PANK4: variants seen among roughly 807,000 people sequenced by gnomAD.
The protein encoded by PANK4 is 4'-phosphopantetheine phosphatase.
A neutral mutation model predicts 87.9 loss-of-function variants in PANK4; 40 were observed. That is an observed-to-expected ratio of 0.46 (90% confidence interval 0.35 to 0.59). The LOEUF (loss-of-function observed/expected upper bound fraction) is 0.59, where lower values mean the gene tolerates loss of function less well. Among genes scored for constraint, PANK4 ranks in the 20% least tolerant of loss-of-function variants. The probability of loss-of-function intolerance (pLI) is 0.00; values close to 1 mark genes in which losing one functional copy is unlikely to be tolerated. For synonymous variants in PANK4, 524 were observed against 467.4 expected, an observed-to-expected ratio of 1.12 and a Z score of -1.56; for missense variants, 926 against 1,072.3, an observed-to-expected ratio of 0.86 and a Z score of 1.90.
chr1:2,517,608 C>T (rs2100783518), intron 9 of PANK4, among the ~76,000 whole-genome samples: 1 of 152,366 alleles, frequency 6.6e-6, no homozygotes, highest in East Asian at 1.9e-4. Flanking sequence ...CCTTCCGGAG[C>T]AGCTCCAACT....
chr1:2,511,173 C>T (rs1232075469), intron 15 of PANK4, among the ~76,000 whole-genome samples, 165 bp downstream of exon 15: 1 of 152,168 alleles, frequency 6.6e-6, no homozygotes, highest in Non-Finnish European at 1.5e-5. Flanking sequence ...GACAGGAGGG[C>T]AAGTGTGGGG....
chr1:2,518,425 A>G, intron 8 of PANK4, 91 bp downstream of exon 8: 1 of 1,159,582 alleles, frequency 8.6e-7, no homozygotes, highest in Non-Finnish European at 1.3e-6. Flanking sequence ...TCCCCACCCC[A>G]CCTCCACCCT....
chr1:2,519,028 T>C lies in PANK4; in HGVS notation c.1035+115A>G. On this transcript the variant is annotated intron_variant, in intron 7 of 18. Coordinates refer to ENST00000378466, the MANE Select transcript of PANK4 (RefSeq NM_018216.4). This position sits in a 1 kb window ranked among gnomAD's most constrained non-coding sequence, Gnocchi z 8.3. ...CAGAAGGGAGGGGTGCTGGGCTTCT[T>C]GGCCCCCACCCTCCAGGCCTCCCTG... 2.1e-5 allele frequency: 21 copies of C among 983,438 alleles called. No homozygotes were observed. Among genetic ancestry groups the C allele is most frequent in the Non-Finnish European group, 3.1e-5 (20 of 654,114 alleles). 60.9% of individuals were successfully genotyped at this position (983,438 alleles called of 1,614,324 possible).
In PANK4 at chr1:2,510,966, C is replaced by G. The variant is rs530691447; in HGVS notation, c.1834-184G>C. On this transcript the variant is annotated intron_variant, in intron 15 of 18. Transcript: ENST00000378466. This position sits in a 1 kb window ranked among gnomAD's most constrained non-coding sequence, Gnocchi z 4.9. ...AGGGGCTTCAGGGCCCCAGAGGTGCCGGGACTGGGCTGGGCTGCAGGGGCT... is the reference window on the plus strand; with the variant it reads ...AGGGGCTTCAGGGCCCCAGAGGTGCGGGGACTGGGCTGGGCTGCAGGGGCT... Among the ~76,000 whole-genome samples the G allele has an allele frequency of 6.6e-6, 1 of 152,148 alleles. No individual in the cohort carries two copies. Among genetic ancestry groups the G allele is most frequent in the East Asian group, 1.9e-4 (1 of 5,162 alleles).
Position 2,510,124 on chromosome 1 carries a change from T to A in PANK4, c.1972A>T (p.Asn658Tyr). 6.2e-7 allele frequency: 1 copy of A among 1,609,832 alleles called. No homozygotes were observed. The highest frequency in any genetic ancestry group is 1.1e-5 in the South Asian group (1 of 90,294). Residue 658 changes from asparagine (N) to tyrosine (Y), a missense_variant, in exon 17 of 19, where the codon AAC becomes TAC. Transcript: ENST00000378466. The surrounding 1 kb of genome is among the most constrained non-coding windows in gnomAD (Gnocchi z 4.9). ...ILACNSGPALNDVTHSESLIV... is the reference protein window; with the variant it reads ...ILACNSGPALYDVTHSESLIV... ...AGGGACTCGCTGTGGGTCACGTCGT[T>A]CAGGGCGGGGCCTGAGTTGCACGCC...
rs1197667934 is a variant in PANK4, at chr1:2,521,108, G to A, written c.415C>T (p.Arg139Trp). ...CTTGAGATCCCCACTCACTTCAGCC[G>A]CAGCTTCTCTTCGATGAGGTCTTTG... is the stretch of plus-strand genomic sequence containing the variant. The part of the protein sequence containing the change: ...KFKDLIEEKL[R>W]LKVDKEDVMT... Residue 139 changes from arginine (R) to tryptophan (W), a missense_variant, in exon 3 of 19, where the codon CGG (arginine) becomes TGG (tryptophan). By Grantham distance (101) the Arg-to-Trp change is moderately radical. Coordinates refer to ENST00000378466, the MANE Select transcript of PANK4 (RefSeq NM_018216.4). The A allele has an allele frequency of 4.3e-6, 7 of 1,611,816 alleles. No homozygotes were observed. The highest frequency in any genetic ancestry group is 2.2e-5 in the East Asian group (1 of 44,886).
intron 9 of PANK4, among the ~76,000 whole-genome samples, chr1:2,516,380 C>T (rs1643776847): frequency 6.6e-6 from 1 of 152,238 alleles, no homozygotes; most frequent in South Asian, 2.1e-4. Context: ...CACAGGCGCG[C>T]TCACGGGCCC....
Position 2,508,614 on chromosome 1 carries a change from A to G in PANK4, c.*233T>C, listed in dbSNP as rs932189226. The G allele has an allele frequency of 4.7e-6, 1 of 212,458 alleles. No homozygotes were observed. The highest frequency in any genetic ancestry group is 9.0e-6 in the Non-Finnish European group (1 of 111,020). 13.2% of individuals were successfully genotyped at this position (212,458 alleles called of 1,614,324 possible). On this transcript the variant is annotated 3_prime_UTR_variant, in exon 19 of 19. Coordinates refer to ENST00000378466, the MANE Select transcript of PANK4 (RefSeq NM_018216.4). This position sits in a 1 kb window ranked among gnomAD's most constrained non-coding sequence, Gnocchi z 5.1. ...CATACCTGTATAGATCTCTCTATTT[A>G]TATATATATATATATAAAAGGTTCT...
At position 2,510,222 on chromosome 1, in the gene PANK4, C is replaced by T. The variant is rs1570530589; in HGVS notation, c.1939-65G>A. The T allele has an allele frequency of 1.8e-6, 2 of 1,087,272 alleles. No homozygotes were observed. Among genetic ancestry groups the T allele is most frequent in the Non-Finnish European group, 2.8e-6 (2 of 725,796 alleles). The allele number at this position is 1,087,272 out of a possible 1,614,324, so 67.4% of individuals were successfully genotyped here. A position where few individuals can be genotyped will look rare whatever the true frequency, so the allele number is the denominator to read the frequency against. ...GGCCCAGCATGGAGCCTGCGTGCAC[C>T]CCGGCCTTCGAGTGGCTGGGCTGGG... On this transcript the variant is annotated intron_variant, in intron 16 of 18. Coordinates refer to ENST00000378466, the MANE Select transcript of PANK4 (RefSeq NM_018216.4). This position sits in a 1 kb window ranked among gnomAD's most constrained non-coding sequence, Gnocchi z 4.9.
intron 1 of PANK4, among the ~76,000 whole-genome samples, chr1:2,524,626 C>T (rs2100800833): frequency 6.6e-6 from 1 of 152,300 alleles, no homozygotes; most frequent in Non-Finnish European, 1.5e-5. Context: ...CTGCGACAGC[C>T]CTTCCTGGAC....
In PANK4 at chr1:2,519,867, G is replaced by T; in HGVS notation, c.787C>A (p.Gln263Lys). 1 of 1,569,576 alleles carries T rather than the reference G, an allele frequency of 6.4e-7. No individual in the cohort carries two copies. The change falls in exon 6 of 19, where the codon CAG becomes AAG. Residue 263 changes from glutamine (Q) to lysine (K), a missense_variant. By Grantham distance (53) the Gln-to-Lys change is moderately conservative. Transcript: ENST00000378466. This position sits in a 1 kb window ranked among gnomAD's most constrained non-coding sequence, Gnocchi z 8.3. ...LVRDVYGGAH[Q>K]TLGLSGNLIA... is the part of the protein sequence containing the mutation. ...AGGTTCCCGCTCAGCCCGAGAGTCT[G>T]GTGGGCGCCGCCGTAGACGTCCCGC... is the stretch of plus-strand genomic sequence containing the variant.
chr1:2,521,574 C>A, intron 2 of PANK4, 144 bp downstream of exon 2: 2 of 786,034 alleles, frequency 2.5e-6, no homozygotes, highest in South Asian at 2.8e-5. Flanking sequence ...CGGCGGAAGG[C>A]AGGGGAGGCT....
At position 2,510,926 on chromosome 1, in the gene PANK4, GCAGGGGCCGAGAC is replaced by G; in HGVS notation, c.1834-157_1834-145del. The stretch of plus-strand genomic sequence containing the variant: ...AGAGATGCCAGGGATGGGCTGTCCT[GCAGGGGCCGAGAC>G]CAGGGGCTTCAGGGCCCCAGAGGTG... On this transcript the variant is annotated intron_variant, in intron 15 of 18. Transcript: ENST00000378466. The surrounding 1 kb of genome is among the most constrained non-coding windows in gnomAD (Gnocchi z 4.9). 1 of 625,658 alleles carries G rather than the reference GCAGGGGCCGAGAC, an allele frequency of 1.6e-6. No individual in the cohort carries two copies. The allele number at this position is 625,658 out of a possible 1,614,324, so 38.8% of individuals were successfully genotyped here.
intron 7 of PANK4, among the ~76,000 whole-genome samples, 182 bp from the exon 8 acceptor site, chr1:2,518,779 G>A (rs2100786403): frequency 6.6e-6 from 1 of 152,366 alleles, no homozygotes; most frequent in Non-Finnish European, 1.5e-5. Context: ...GCTGCTGTTT[G>A]AAGAAAGCTA....
rs758363061 is a variant in PANK4, at chr1:2,521,063, A to C, written c.422+38T>G. Reference sequence around the variant, plus strand: ...GGGACACCCAGGGACTCGGGGGCAGACACATGTTCCTTTCTCGCCCTTGAG... The same window carrying C: ...GGGACACCCAGGGACTCGGGGGCAGCCACATGTTCCTTTCTCGCCCTTGAG... On this transcript the variant is annotated intron_variant, in intron 3 of 18. Transcript: ENST00000378466. 1.9e-6 allele frequency: 3 copies of C among 1,573,666 alleles called. No homozygotes were observed. The African/African-American group carries it at 4.1e-5, about 21-fold the overall frequency.
At chr1:2,524,361 G>A (rs544781485) in intron 1 of PANK4, among the ~76,000 whole-genome samples, 1 of 151,882 alleles carries the variant, frequency 6.6e-6, no homozygotes, top group South Asian at 2.1e-4. Context: ...TGGCTTTGAG[G>A]GTTCCTGGGT....
At position 2,520,535 on chromosome 1, in the gene PANK4, G is replaced by T. The variant is rs959589206; in HGVS notation, c.607-121C>A. On this transcript the variant is annotated intron_variant, in intron 4 of 18. Coordinates refer to ENST00000378466, the MANE Select transcript of PANK4 (RefSeq NM_018216.4). This position sits in a 1 kb window ranked among gnomAD's most constrained non-coding sequence, Gnocchi z 6.2. ...GCCCCCACCCCAACCGCCAGTGGGA[G>T]GACTCTCATGGCCAAGCCTGGGGGC... is the stretch of plus-strand genomic sequence containing the variant. 6.2e-5 allele frequency: 62 copies of T among 1,005,196 alleles called. 1 individual carries two copies. The Admixed American group carries it at 1.2e-3, about 19-fold the overall frequency. 62.3% of individuals were successfully genotyped at this position (1,005,196 alleles called of 1,614,324 possible). A position where few individuals can be genotyped will look rare whatever the true frequency, so the allele number is the denominator to read the frequency against.
In PANK4 at chr1:2,519,679, C is replaced by T; in HGVS notation, c.853+122G>A. 9.4e-7 allele frequency: 1 copy of T among 1,067,480 alleles called. No individual in the cohort carries two copies. Among genetic ancestry groups the T allele is most frequent in the Non-Finnish European group, 1.3e-6 (1 of 761,920 alleles). The allele number at this position is 1,067,480 out of a possible 1,614,324, so 66.1% of individuals were successfully genotyped here. On this transcript the variant is annotated intron_variant, in intron 6 of 18. Coordinates refer to ENST00000378466, the MANE Select transcript of PANK4 (RefSeq NM_018216.4). This position sits in a 1 kb window ranked among gnomAD's most constrained non-coding sequence, Gnocchi z 8.3. ...GCAGGAAGAGGTTACAGGGCTGACA[C>T]CCAAGACCCCGACTCTCCAGGGAGC... is the stretch of plus-strand genomic sequence containing the variant.
In PANK4 at chr1:2,526,567, G is replaced by C. The variant is rs764140007; in HGVS notation, c.21C>G (p.Ser7Arg). The part of the protein sequence containing the change: MAECGA[S>R]GSGSSGDSLD... The stretch of plus-strand genomic sequence containing the variant: ...GACTGTCCCCGCTGCTCCCGCTGCC[G>C]CTCGCTCCACACTCCGCCATTTTGA... Residue 7 changes from serine (S) to arginine (R), a missense_variant, in exon 1 of 19, where the codon AGC (serine) becomes AGG (arginine). Coordinates refer to ENST00000378466, the MANE Select transcript of PANK4 (RefSeq NM_018216.4). 3 of 1,600,970 alleles carry C rather than the reference G, an allele frequency of 1.9e-6. No individual in the cohort carries two copies. The highest frequency in any genetic ancestry group is 2.6e-6 in the Non-Finnish European group (3 of 1,174,486).
Sources: gnomAD v4.1 joint callset for allele counts (sites outside exome capture counted in the v4.1 genomes callset) on GRCh38, gnomAD v4.1.1 for gene constraint, Gnocchi (gnomAD v3.1) non-coding constraint, MANE v1.5 for transcripts, NCBI Gene and HGNC (gene_info 2026-07-23, HGNC 2026-07-21) for gene names.